Variants in HDAC9 observed in about 807,000 individuals in gnomAD.
HDAC9 encodes histone deacetylase 9.
HDAC9 carries 41 observed loss-of-function variants against 139.4 expected under a neutral mutation model. The observed-to-expected ratio is 0.29, with a 90% CI of 0.23 to 0.38. The LOEUF is 0.38. Ranked by LOEUF, HDAC9 falls within the 10% of genes least tolerant of loss-of-function variation. The pLI, the probability that HDAC9 is intolerant of heterozygous loss-of-function variation, is 1.00. For synonymous variants in HDAC9, 517 were observed against 476.2 expected (o/e 1.09, Z -1.12); for missense variants, 1,147 against 1,297.0 (o/e 0.88, Z 1.78).
At chr7:18,172,359 G>A (rs1295958971) in intron 2 of HDAC9, among the ~76,000 whole-genome samples, 1 of 151,746 alleles carries the variant, frequency 6.6e-6, no homozygotes, top group Non-Finnish European at 1.5e-5. Context: ...TATTAGTCTT[G>A]CTAGCAGTCT....
In HDAC9 at chr7:18,954,131, C is replaced by G. The variant is rs778819254; in HGVS notation, c.2938-15C>G. On this transcript the variant is annotated splice_polypyrimidine_tract_variant and intron_variant, in intron 23 of 25. Transcript: ENST00000686413. ...CATAATATTCTGCTCATACTATTAT[C>G]TACTATTCTTGCAGCTGGAGCCACT... The G allele has an allele frequency of 7.2e-6, 11 of 1,521,052 alleles. No individual in the cohort carries two copies. The highest frequency in any genetic ancestry group is 5.7e-5 in the Admixed American group (3 of 52,224). The allele number at this position is 1,521,052 out of a possible 1,614,324, so 94.2% of individuals were successfully genotyped here.
intron 1 of HDAC9, among the ~76,000 whole-genome samples, chr7:18,479,955 T>C (rs918396049): frequency 6.6e-6 from 1 of 151,654 alleles, no homozygotes; most frequent in East Asian, 1.9e-4. Context: ...TTTTCTTCTT[T>C]CTCCTTTATT....
chr7:18,825,095 C>T (rs1387959093), intron 17 of HDAC9, among the ~76,000 whole-genome samples: 4 of 152,134 alleles, frequency 2.6e-5, no homozygotes, highest in African/African-American at 9.7e-5. Context: ...TATAGAGTTT[C>T]AAGTGACTTT....
At chr7:18,584,896 T>G (rs1418451057) in intron 2 of HDAC9, among the ~76,000 whole-genome samples, 1 of 151,616 alleles carries the variant, frequency 6.6e-6, no homozygotes, top group Non-Finnish European at 1.5e-5. Flanking sequence ...ATGGTGGAAG[T>G]TCTCTCTTAG....
chr7:18,186,365 C>T (rs111548685), intron 2 of HDAC9, among the ~76,000 whole-genome samples: 48 of 152,256 alleles, frequency 3.2e-4, no homozygotes, highest in Non-Finnish European at 6.0e-4. Context: ...TCTGTTGAAG[C>T]TAACAAGGAA....
chr7:18,926,566 C>A (rs1804247836), intron 22 of HDAC9, among the ~76,000 whole-genome samples: 1 of 152,054 alleles, frequency 6.6e-6, no homozygotes, highest in African/African-American at 2.4e-5. Flanking sequence ...ATGTATAAAA[C>A]TGTGGCACAG....
chr7:18,695,955 T>C (rs948803663), intron 12 of HDAC9, among the ~76,000 whole-genome samples: 1 of 152,228 alleles, frequency 6.6e-6, no homozygotes, highest in African/African-American at 2.4e-5. Flanking sequence ...AAAAGTTTTA[T>C]GTAACTATTT....
chr7:18,862,008 A>G (rs1375931104), intron 21 of HDAC9, among the ~76,000 whole-genome samples: 1 of 145,368 alleles, frequency 6.9e-6, no homozygotes, highest in Non-Finnish European at 1.6e-5. Context: ...GTGAAATGAT[A>G]TGGACTCACA....
rs567519088 is a variant in HDAC9 at position 18,926,755 on chromosome 7, G to C, written c.2804-9054G>C. 2.6e-5 allele frequency among the ~76,000 whole-genome samples: 4 copies of C among 152,264 alleles called. No individual in the cohort carries two copies. In the South Asian group the frequency reaches 8.3e-4, roughly 32 times the overall value. Reference sequence around the variant, plus strand: ...TTGTCTTACAAAAAATAATGGCATTGAAGTATTCTGTTGTTTCAGACTTTT... The same window carrying C: ...TTGTCTTACAAAAAATAATGGCATTCAAGTATTCTGTTGTTTCAGACTTTT... On this transcript the variant is annotated intron_variant, in intron 22 of 25. Coordinates refer to ENST00000686413, the MANE Select transcript of HDAC9 (RefSeq NM_178425.4).
intron 21 of HDAC9, among the ~76,000 whole-genome samples, chr7:18,864,492 T>C (rs1251199966): frequency 1.3e-5 from 2 of 151,964 alleles, no homozygotes; most frequent in Non-Finnish European, 2.9e-5. Context: ...GTTTCAGTTA[T>C]GTAGGATGAT....
intron 9 of HDAC9, among the ~76,000 whole-genome samples, chr7:18,646,592 G>C (rs901554894): frequency 1.3e-5 from 2 of 152,112 alleles, no homozygotes; most frequent in Admixed American, 1.3e-4. Context: ...TTGACTTACT[G>C]TGTGACTCAG....
intron 3 of HDAC9, among the ~76,000 whole-genome samples, chr7:18,588,874 G>T (rs990305589): frequency 6.6e-6 from 1 of 152,144 alleles, no homozygotes; most frequent in East Asian, 1.9e-4. Flanking sequence ...TCCACTTGTG[G>T]CATCATGTCA....
At chr7:18,348,857 A>G (rs1054452084) in intron 1 of HDAC9, among the ~76,000 whole-genome samples, 5 of 152,160 alleles carry the variant, frequency 3.3e-5, no homozygotes, top group Middle Eastern at 3.2e-3. Flanking sequence ...TGCTGCTTGT[A>G]TTATTTAATC....
chr7:18,507,252 G>A (rs536390281), intron 2 of HDAC9, among the ~76,000 whole-genome samples: 7 of 150,554 alleles, frequency 4.6e-5, no homozygotes, highest in Admixed American at 3.3e-4. Flanking sequence ...GTGCAGTGGC[G>A]CGATCTCGGC....
intron 13 of HDAC9, among the ~76,000 whole-genome samples, chr7:18,737,942 C>G (rs1330830728): frequency 2.0e-5 from 3 of 152,198 alleles, no homozygotes; most frequent in Non-Finnish European, 4.4e-5. Context: ...TCTGGGTGCT[C>G]CTGCATTGGG....
intron 2 of HDAC9, among the ~76,000 whole-genome samples, chr7:18,568,209 A>C (rs1266474248): frequency 6.6e-6 from 1 of 151,974 alleles, no homozygotes; most frequent in Non-Finnish European, 1.5e-5. Flanking sequence ...GGAAAAAGAG[A>C]TAATTTAGGA....
chr7:18,370,344 C>A (rs186207189), intron 1 of HDAC9, among the ~76,000 whole-genome samples: 1 of 152,202 alleles, frequency 6.6e-6, no homozygotes, highest in Admixed American at 6.5e-5. Flanking sequence ...ATTCTAAAAT[C>A]AACATGATGG....
intron 2 of HDAC9, among the ~76,000 whole-genome samples, chr7:18,245,455 C>T (rs150461800): frequency 6.6e-6 from 1 of 152,210 alleles, no homozygotes; most frequent in Non-Finnish European, 1.5e-5. Context: ...GCTCAGTAGC[C>T]TCATGGGCTG....
At chr7:18,202,145 A>G (rs959230383) in intron 2 of HDAC9, among the ~76,000 whole-genome samples, 3 of 152,206 alleles carry the variant, frequency 2.0e-5, no homozygotes, top group African/African-American at 7.2e-5. Context: ...GTGGATTCAC[A>G]TGATCTTGTT....
Sources: allele counts gnomAD v4.1 joint callset (sites outside exome capture counted in the v4.1 genomes callset), GRCh38; gene constraint gnomAD v4.1.1; transcripts MANE v1.5; gene names NCBI Gene and HGNC (gene_info 2026-07-23, HGNC 2026-07-21).